The following FOXN3 variants were observed in gnomAD, a reference collection of about 807,000 sequenced individuals.
FOXN3 encodes the protein forkhead box N3, also known as forkhead box protein N3.
FOXN3 carries 7 observed loss-of-function variants against 38.4 expected under a neutral mutation model. The observed-to-expected ratio is 0.18, with a 90% CI of 0.10 to 0.34. The LOEUF (loss-of-function observed/expected upper bound fraction) is 0.34, where lower values mean the gene tolerates loss of function less well. Ranked by LOEUF, FOXN3 falls within the 10% of genes least tolerant of loss-of-function variation. The probability of loss-of-function intolerance (pLI) is 1.00; values close to 1 mark genes in which losing one functional copy is unlikely to be tolerated. For missense variants in FOXN3, 456 were observed against 613.4 expected (o/e 0.74, Z 2.71); for synonymous variants, 230 against 242.2 (o/e 0.95, Z 0.47).
intron 2 of FOXN3, among the ~76,000 whole-genome samples, chr14:89,366,171 T>C (rs1180155236): frequency 1.3e-5 from 2 of 151,414 alleles, no homozygotes; most frequent in African/African-American, 4.9e-5. Flanking sequence ...GAGAATGGCA[T>C]GAACCCGGGA....
In FOXN3 at chr14:89,463,784, CTTTTT is replaced by C. The variant is rs33993052; in HGVS notation, c.-14-51299_-14-51295del. Among the ~76,000 whole-genome samples the C allele has an allele frequency of 2.6e-4, 36 of 138,664 alleles. 1 individual carries two copies. In the East Asian group the frequency reaches 6.4e-3, roughly 24 times the overall value. The allele number at this position is 138,664 out of a possible 152,430, so 91.0% of individuals were successfully genotyped here. On this transcript the variant is annotated intron_variant, in intron 1 of 6. Coordinates refer to the FOXN3 transcript ENST00000345097. ...TATGCAGGGGTAGTGGTCTCTCTCT[CTTTTT>C]TTTTTTTTTTTTGAGATGGAGTTGT...
intron 3 of FOXN3, among the ~76,000 whole-genome samples, chr14:89,347,294 A>G (rs755252396): frequency 4.6e-5 from 7 of 152,254 alleles, no homozygotes; most frequent in Non-Finnish European, 1.0e-4. Context: ...ATTTGGACAT[A>G]GACACCACAT....
At chr14:89,561,719 G>T (rs1169934799) in intron 1 of FOXN3, among the ~76,000 whole-genome samples, 1 of 151,994 alleles carries the variant, frequency 6.6e-6, no homozygotes, top group Non-Finnish European at 1.5e-5. Context: ...AGTTCCAGGG[G>T]GGTTATGTTA....
At chr14:89,321,554 G>C (rs1887896831) in intron 3 of FOXN3, among the ~76,000 whole-genome samples, 1 of 152,118 alleles carries the variant, frequency 6.6e-6, no homozygotes, top group Non-Finnish European at 1.5e-5. Context: ...TCCAGCATGG[G>C]TGACAGAGTG....
chr14:89,372,231 T>C lies in FOXN3; in HGVS notation c.544-21423A>G, dbSNP rs183339908. Among the ~76,000 whole-genome samples the C allele has an allele frequency of 6.6e-5, 10 of 152,268 alleles. No homozygotes were observed. The East Asian group carries it at 1.9e-3, about 29-fold the overall frequency. ...AAAAAATATGCCACCGAAACTACCA[T>C]AATAATTTACTATCCTGCAAAACTT... On this transcript the variant is annotated intron_variant, in intron 2 of 5. Transcript: ENST00000557258.
intron 2 of FOXN3, among the ~76,000 whole-genome samples, chr14:89,364,878 C>T (rs181152227): frequency 1.5e-3 from 226 of 152,272 alleles, no homozygotes; most frequent in African/African-American, 5.1e-3. Context: ...ATTGTAAGGA[C>T]TCTTGTAAAT....
intron 1 of FOXN3, among the ~76,000 whole-genome samples, chr14:89,439,378 C>T (rs182468351): frequency 8.3e-4 from 127 of 152,292 alleles, no homozygotes; most frequent in African/African-American, 3.0e-3. Flanking sequence ...AAAAACTCTG[C>T]TGATAAAACA....
At chr14:89,490,846 A>C (rs552660696) in intron 1 of FOXN3, among the ~76,000 whole-genome samples, 7 of 152,126 alleles carry the variant, frequency 4.6e-5, no homozygotes, top group African/African-American at 1.7e-4. Context: ...CAAGGTTTTA[A>C]GAATTCAGTT....
chr14:89,544,199 G>A (rs1050836848), intron 1 of FOXN3, among the ~76,000 whole-genome samples: 14 of 151,838 alleles, frequency 9.2e-5, no homozygotes, highest in East Asian at 1.9e-4. Context: ...CTGCTACCAC[G>A]CCCAGCTAAT....
intron 5 of FOXN3, among the ~76,000 whole-genome samples, chr14:89,171,658 ACAATG>A (rs1887391621): frequency 6.6e-6 from 1 of 152,356 alleles, no homozygotes; most frequent in East Asian, 1.9e-4. Flanking sequence ...AGTTATCTTA[ACAATG>A]CAAACTTTTT....
chr14:89,361,404 ACCT>A (rs1889647413), intron 2 of FOXN3, among the ~76,000 whole-genome samples: 1 of 796 alleles, frequency 1.3e-3, no homozygotes, highest in Non-Finnish European at 5.0e-3. Flanking sequence ...CTCCAGCACC[ACCT>A]CCACCACCAC....
At chr14:89,605,183 AAAC>A (rs1490465599) in intron 1 of FOXN3, among the ~76,000 whole-genome samples, 8 of 152,184 alleles carry the variant, frequency 5.3e-5, no homozygotes, top group Admixed American at 5.2e-4. Flanking sequence ...AACACAAAAA[AAAC>A]AAGATAAAAC....
At chr14:89,384,561 TA>T (rs371051025) in intron 2 of FOXN3, among the ~76,000 whole-genome samples, 2 of 152,016 alleles carry the variant, frequency 1.3e-5, no homozygotes, top group African/African-American at 2.4e-5. Flanking sequence ...TAATCTAGAT[TA>T]AAAAAAACTT....
At chr14:89,296,782 C>G (rs906220606) in intron 3 of FOXN3, among the ~76,000 whole-genome samples, 3 of 152,192 alleles carry the variant, frequency 2.0e-5, no homozygotes, top group Non-Finnish European at 2.9e-5. Flanking sequence ...ATTACAGGTG[C>G]CTGCCACCAT....
chr14:89,437,101 C>T (rs1429773856), intron 1 of FOXN3, among the ~76,000 whole-genome samples: 1 of 151,796 alleles, frequency 6.6e-6, no homozygotes, highest in African/African-American at 2.4e-5. Flanking sequence ...ATCAATTGAA[C>T]ACGGAAGGTT....
At chr14:89,343,604 T>C (rs1170300476) in intron 3 of FOXN3, among the ~76,000 whole-genome samples, 1 of 147,822 alleles carries the variant, frequency 6.8e-6, no homozygotes, top group Admixed American at 6.9e-5. Flanking sequence ...CCAAAATCTT[T>C]GGAGAGGCCA....
chr14:89,601,594 T>A (rs1896154864), intron 1 of FOXN3, among the ~76,000 whole-genome samples: 1 of 152,176 alleles, frequency 6.6e-6, no homozygotes. Flanking sequence ...TTGAGGCCAA[T>A]AACCTAGGGT....
intron 2 of FOXN3, among the ~76,000 whole-genome samples, chr14:89,388,179 G>A (rs1344830068): frequency 2.0e-5 from 3 of 152,176 alleles, no homozygotes; most frequent in African/African-American, 4.8e-5. Context: ...ACAAGATTCC[G>A]TCTTGGAGGG....
chr14:89,475,808 T>A (rs1893198565), intron 1 of FOXN3, among the ~76,000 whole-genome samples: 2 of 152,180 alleles, frequency 1.3e-5, no homozygotes, highest in Admixed American at 1.3e-4. Context: ...TAATGAAGAA[T>A]CATATAGTCT....
Sources: gnomAD v4.1 joint callset for allele counts (sites outside exome capture counted in the v4.1 genomes callset) on GRCh38, gnomAD v4.1.1 for gene constraint, MANE v1.5 for transcripts, NCBI Gene and HGNC (gene_info 2026-07-23, HGNC 2026-07-21) for gene names.